The following ARMH4 variants were observed in gnomAD, a reference collection of about 807,000 sequenced individuals.
The protein encoded by ARMH4 is armadillo like helical domain containing 4.
A neutral mutation model predicts 61.9 loss-of-function variants in ARMH4; 49 were observed. That is an observed-to-expected ratio of 0.79 (90% CI 0.63 to 1.00). The LOEUF (loss-of-function observed/expected upper bound fraction) is 1.00, where lower values mean the gene tolerates loss of function less well. ARMH4 is among the 50% of genes least tolerant of loss of function. The probability of loss-of-function intolerance (pLI) is 0.00; values close to 1 mark genes in which losing one functional copy is unlikely to be tolerated. For missense variants in ARMH4, 934 were observed against 930.0 expected (o/e 1.00, Z -0.06); for synonymous variants, 368 against 341.5 (o/e 1.08, Z -0.85).
chr14:58,009,105 C>G (rs1882291394), intron 6 of ARMH4, among the ~76,000 whole-genome samples: 1 of 152,088 alleles, frequency 6.6e-6, no homozygotes, highest in South Asian at 2.1e-4. Context: ...TCTTCTATAG[C>G]AAAAGAGCTT....
intron 5 of ARMH4, among the ~76,000 whole-genome samples, chr14:58,049,804 T>G (rs1216899273): frequency 6.6e-6 from 1 of 152,220 alleles, no homozygotes; most frequent in Admixed American, 6.5e-5. Flanking sequence ...CTCCCTGGAC[T>G]GTTAAAATGA....
intron 4 of ARMH4, among the ~76,000 whole-genome samples, chr14:58,119,066 C>T (rs1308057670): frequency 6.6e-6 from 1 of 152,194 alleles, no homozygotes; most frequent in Non-Finnish European, 1.5e-5. Context: ...TAGAAGGAGA[C>T]AGAATGGCTG....
At chr14:58,054,063 A>G (rs1354047621) in intron 5 of ARMH4, among the ~76,000 whole-genome samples, 15 of 152,176 alleles carry the variant, frequency 9.9e-5, no homozygotes, top group Admixed American at 7.2e-4. Context: ...TTAATCTACT[A>G]TCCCCATTTT....
chr14:58,030,655 C>A (rs1020938972), intron 5 of ARMH4, among the ~76,000 whole-genome samples: 2 of 152,210 alleles, frequency 1.3e-5, no homozygotes, highest in Non-Finnish European at 2.9e-5. Context: ...TGGGAATCAG[C>A]ATTCTGTCTC....
intron 5 of ARMH4, among the ~76,000 whole-genome samples, chr14:58,054,955 C>A (rs1244600176): frequency 2.6e-5 from 4 of 151,900 alleles, no homozygotes; most frequent in Non-Finnish European, 4.4e-5. Context: ...TGGTTCAGGG[C>A]AACCAAATAT....
chr14:58,140,373 G>C (rs2139985090), intron 1 of ARMH4, among the ~76,000 whole-genome samples: 1 of 151,866 alleles, frequency 6.6e-6, no homozygotes, highest in African/African-American at 2.4e-5. Context: ...TTGAGGTCAG[G>C]AGTTTGAGAC....
chr14:58,092,346 G>A (rs1052227074), intron 5 of ARMH4, among the ~76,000 whole-genome samples: 11 of 152,192 alleles, frequency 7.2e-5, no homozygotes, highest in African/African-American at 2.7e-4. Context: ...ACAGGAAAAA[G>A]TATACGTAAT....
At position 58,078,782 on chromosome 14, in the gene ARMH4, C is replaced by A. The variant is rs369557319; in HGVS notation, c.2089+17942G>T. On this transcript the variant is annotated intron_variant, in intron 5 of 7. Transcript: ENST00000267485. ...TCCCAAAAACCTTTCTTTACAAAAACAGGCATCAGGCTGGATTTGTCTCAG... is the reference window on the plus strand; with the variant it reads ...TCCCAAAAACCTTTCTTTACAAAAAAAGGCATCAGGCTGGATTTGTCTCAG... Among the ~76,000 whole-genome samples the A allele has an allele frequency of 1.4e-3, 208 of 152,282 alleles. 1 individual carries two copies. The highest frequency in any genetic ancestry group is 4.7e-3 in the African/African-American group (196 of 41,558).
intron 1 of ARMH4, among the ~76,000 whole-genome samples, chr14:58,139,950 C>G (rs1188150883): frequency 6.6e-6 from 1 of 152,122 alleles, no homozygotes; most frequent in Non-Finnish European, 1.5e-5. Context: ...ACAGAACCCT[C>G]GTGAATGGGA....
At chr14:58,064,021 T>C (rs559820051) in intron 5 of ARMH4, among the ~76,000 whole-genome samples, 69 of 152,306 alleles carry the variant, frequency 4.5e-4, no homozygotes, top group Non-Finnish European at 4.4e-4. Context: ...CTGGTGTAGG[T>C]AATACGCACA....
chr14:58,022,917 T>C (rs985825033), intron 5 of ARMH4, among the ~76,000 whole-genome samples: 2 of 152,226 alleles, frequency 1.3e-5, no homozygotes, highest in Admixed American at 6.5e-5. Flanking sequence ...CTGTAAAAGT[T>C]ATATTTGCAC....
At chr14:58,107,366 G>C (rs556478792) in intron 4 of ARMH4, among the ~76,000 whole-genome samples, 1 of 152,306 alleles carries the variant, frequency 6.6e-6, no homozygotes, top group South Asian at 2.1e-4. Flanking sequence ...GCAATGATTA[G>C]TTTGAATCAT....
intron 4 of ARMH4, among the ~76,000 whole-genome samples, chr14:58,102,503 C>T (rs765257009): frequency 3.3e-5 from 5 of 152,030 alleles, no homozygotes; most frequent in Admixed American, 6.6e-5. Context: ...TTAAGTACAA[C>T]GACAAAAATC....
Position 58,079,888 on chromosome 14 carries a change from T to G in ARMH4, c.2089+16836A>C, listed in dbSNP as rs1357915618. ...CTACTCTAACCAGCCACAGAAAAGTTCTAAAATTCCACACAACTTATAAAC... is the reference window on the plus strand; with the variant it reads ...CTACTCTAACCAGCCACAGAAAAGTGCTAAAATTCCACACAACTTATAAAC... On this transcript the variant is annotated intron_variant, in intron 5 of 7. Transcript: ENST00000267485. Among the ~76,000 whole-genome samples, 7 of 152,082 alleles carry G rather than the reference T, an allele frequency of 4.6e-5. No individual in the cohort carries two copies. In the East Asian group the frequency reaches 1.3e-3, roughly 29 times the overall value.
intron 6 of ARMH4, among the ~76,000 whole-genome samples, chr14:58,010,026 G>A (rs994891411): frequency 2.4e-4 from 36 of 152,062 alleles, no homozygotes; most frequent in Non-Finnish European, 2.9e-5. Context: ...ACTCAATACT[G>A]GAACAATTAA....
At position 58,131,520 on chromosome 14, in the gene ARMH4, T is replaced by C; in HGVS notation, c.1823A>G (p.Glu608Gly). The C allele has an allele frequency of 1.9e-6, 3 of 1,613,518 alleles. No individual in the cohort carries two copies. Among genetic ancestry groups the C allele is most frequent in the Non-Finnish European group, 2.5e-6 (3 of 1,179,456 alleles). The change falls in exon 4 of 8, where the codon GAA (glutamate) becomes GGA (glycine). Residue 608 changes from glutamate (E) to glycine (G), a missense_variant. Physicochemically the swap from Glu to Gly is moderately conservative, Grantham distance 98. Coordinates refer to ENST00000267485, the MANE Select transcript of ARMH4 (RefSeq NM_001001872.4). Reference sequence around the variant, plus strand: ...CTTCAAAGCATGAATACCTTCAGATTCAAGTTGGTCCAGGCCATATGAGGC... The same window carrying C: ...CTTCAAAGCATGAATACCTTCAGATCCAAGTTGGTCCAGGCCATATGAGGC... ...TAASYGLDQL[E>G]SEEGQEDEDE...
chr14:58,130,598 T>C (rs2139954087), intron 4 of ARMH4, among the ~76,000 whole-genome samples: 1 of 144,540 alleles, frequency 6.9e-6, no homozygotes, highest in East Asian at 2.9e-4. Flanking sequence ...TGACTATGTG[T>C]CATATTTCTA....
intron 5 of ARMH4, among the ~76,000 whole-genome samples, chr14:58,044,474 T>A (rs1471344060): frequency 2.0e-5 from 3 of 152,282 alleles, no homozygotes; most frequent in Admixed American, 1.3e-4. Flanking sequence ...TCAAGATGGA[T>A]TAAAGACTTA....
Position 58,031,777 on chromosome 14 carries a change from T to A in ARMH4, c.2090-19627A>T, listed in dbSNP as rs1437075368. On this transcript the variant is annotated intron_variant, in intron 5 of 7. Coordinates refer to ENST00000267485, the MANE Select transcript of ARMH4 (RefSeq NM_001001872.4). ...ATCTTCAACAGAAATCAGACAAAAG[T>A]AACTTGAAAAGTTCTCTCTGCCATT... Among the ~76,000 whole-genome samples the A allele has an allele frequency of 2.0e-5, 3 of 152,216 alleles. No homozygotes were observed. The South Asian group carries it at 6.2e-4, about 31-fold the overall frequency.
Sources: gnomAD v4.1 joint callset for allele counts (sites outside exome capture counted in the v4.1 genomes callset) on GRCh38, gnomAD v4.1.1 for gene constraint, MANE v1.5 for transcripts, NCBI Gene and HGNC (gene_info 2026-07-23, HGNC 2026-07-21) for gene names.